The following SAMSN1 variants were observed in gnomAD, a reference collection of about 807,000 sequenced individuals.
SAMSN1 encodes SAM domain-containing protein SAMSN-1.
In SAMSN1, 31 loss-of-function variants were observed where a neutral mutation model predicts 42.0. The observed-to-expected ratio is 0.74, with a 90% CI of 0.55 to 1.00. The LOEUF is 1.00. SAMSN1 is among the 50% of genes least tolerant of loss of function. The pLI, the probability that SAMSN1 is intolerant of heterozygous loss-of-function variation, is 0.00. For missense variants in SAMSN1, 464 were observed against 439.4 expected (o/e 1.06, Z -0.50); for synonymous variants, 178 against 151.9 (o/e 1.17, Z -1.26).
chr21:14,520,499 G>A (rs192460429), intron 2 of SAMSN1, among the ~76,000 whole-genome samples: 6 of 152,144 alleles, frequency 3.9e-5, no homozygotes, highest in Non-Finnish European at 5.9e-5. Context: ...CTATCTTTTC[G>A]GGTTCATGTT....
At chr21:14,544,112 C>T (rs961598225) in intron 1 of SAMSN1, among the ~76,000 whole-genome samples, 13 of 152,150 alleles carry the variant, frequency 8.5e-5, no homozygotes, top group Admixed American at 1.3e-4. Context: ...TGCAGTGGCA[C>T]GAACACGGCC....
Position 14,577,238 on chromosome 21 carries a change from GTATATATATATATATATATATATATATA to G in SAMSN1, c.261+4870_261+4897del, listed in dbSNP as rs767931839. On this transcript the variant is annotated intron_variant, in intron 2 of 8. Coordinates refer to the SAMSN1 transcript ENST00000285670. Reference sequence around the variant, plus strand: ...GGTGGGCTAATTTATATATATGTGTGTATATATATATATATATATATATATATATATATATATATATATATATTTTTTT... The same window carrying G: ...GGTGGGCTAATTTATATATATGTGTGTATATATATATATATATATTTTTTT... 6.0e-4 allele frequency among the ~76,000 whole-genome samples: 17 copies of G among 28,190 alleles called. 2 individuals carry two copies. Among genetic ancestry groups the G allele is most frequent in the Non-Finnish European group, 7.5e-4 (13 of 17,274 alleles). The allele number at this position is 28,190 out of a possible 152,430, so 18.5% of individuals were successfully genotyped here.
intron 2 of SAMSN1, among the ~76,000 whole-genome samples, chr21:14,518,084 TCAC>T (rs1987994880): frequency 6.6e-6 from 1 of 152,254 alleles, no homozygotes; most frequent in African/African-American, 2.4e-5. Context: ...TATCAGGTTC[TCAC>T]CAAGTTTGTA....
intron 5 of SAMSN1, among the ~76,000 whole-genome samples, chr21:14,604,671 A>T (rs1023410895): frequency 3.9e-5 from 6 of 152,240 alleles, no homozygotes; most frequent in African/African-American, 1.2e-4. Context: ...TGAATGTTGC[A>T]CACACTTGAA....
chr21:14,634,457 C>T (rs188290605), intron 2 of SAMSN1, among the ~76,000 whole-genome samples: 12 of 151,826 alleles, frequency 7.9e-5, no homozygotes, highest in East Asian at 1.9e-4. Flanking sequence ...GGAACTTAAA[C>T]AAATTTCCAA....
At chr21:14,623,338 A>G (rs1410318983) in intron 2 of SAMSN1, among the ~76,000 whole-genome samples, 2 of 152,240 alleles carry the variant, frequency 1.3e-5, no homozygotes, top group African/African-American at 4.8e-5. Context: ...TTGGATAAAG[A>G]GTCAAGACCC....
intron 1 of SAMSN1, among the ~76,000 whole-genome samples, chr21:14,653,657 A>T (rs562605423): frequency 6.6e-6 from 1 of 152,178 alleles, no homozygotes; most frequent in South Asian, 2.1e-4. Context: ...GTGTAAGTGG[A>T]ATGTTTTTAA....
rs148994669 is a variant in SAMSN1 at position 14,488,567 on chromosome 21, A to G, written c.920-2453T>C. Among the ~76,000 whole-genome samples the G allele has an allele frequency of 2.6e-3, 393 of 152,318 alleles. 4 individuals are homozygous for G. The highest frequency in any genetic ancestry group is 3.9e-3 in the Non-Finnish European group (262 of 68,014). On this transcript the variant is annotated intron_variant, in intron 7 of 7. Transcript: ENST00000400566. ...AGTAAATAAATTAAAAACTGTCTTTACTAGAGAATATGTCATTGTGTAATA... is the reference window on the plus strand; with the variant it reads ...AGTAAATAAATTAAAAACTGTCTTTGCTAGAGAATATGTCATTGTGTAATA...
chr21:14,504,905 C>G (rs765824617), intron 5 of SAMSN1, among the ~76,000 whole-genome samples: 6 of 152,234 alleles, frequency 3.9e-5, no homozygotes, highest in Non-Finnish European at 5.9e-5. Context: ...GATTTCTCAG[C>G]AGAAACCCAA....
At chr21:14,617,678 G>A (rs987032790) in intron 2 of SAMSN1, among the ~76,000 whole-genome samples, 3 of 152,130 alleles carry the variant, frequency 2.0e-5, no homozygotes, top group Non-Finnish European at 4.4e-5. Context: ...TACCTTTTGT[G>A]AAAATAGACA....
chr21:14,581,043 G>A (rs1451698420), intron 2 of SAMSN1, among the ~76,000 whole-genome samples: 2 of 151,958 alleles, frequency 1.3e-5, no homozygotes, highest in African/African-American at 4.8e-5. Context: ...AGAAAGTTAA[G>A]ATTAAAAGGT....
At chr21:14,541,755 T>G (rs1209944617) in intron 1 of SAMSN1, among the ~76,000 whole-genome samples, 1 of 152,158 alleles carries the variant, frequency 6.6e-6, no homozygotes, top group Non-Finnish European at 1.5e-5. Flanking sequence ...ACTTCAATAT[T>G]AGGTCATTTT....
intron 5 of SAMSN1, among the ~76,000 whole-genome samples, chr21:14,509,946 T>C (rs967338380): frequency 1.3e-5 from 2 of 152,132 alleles, no homozygotes; most frequent in East Asian, 1.9e-4. Context: ...GAGACCATCC[T>C]GGCTAACACG....
chr21:14,641,194 C>CA (rs1263425985), intron 2 of SAMSN1, among the ~76,000 whole-genome samples: 1 of 152,102 alleles, frequency 6.6e-6, no homozygotes, highest in Non-Finnish European at 1.5e-5. Flanking sequence ...GCATATCTAG[C>CA]AACACCAACA....
chr21:14,636,912 T>C (rs1381871602), intron 2 of SAMSN1, among the ~76,000 whole-genome samples: 1 of 152,170 alleles, frequency 6.6e-6, no homozygotes, highest in Non-Finnish European at 1.5e-5. Flanking sequence ...TCAAGTATTG[T>C]TATACTTTAA....
chr21:14,501,418 C>A (rs1448994807), intron 5 of SAMSN1, among the ~76,000 whole-genome samples: 1 of 152,182 alleles, frequency 6.6e-6, no homozygotes, highest in African/African-American at 2.4e-5. Context: ...TAAACGACTT[C>A]TCAAAAGCTT....
chr21:14,618,767 G>C (rs1443024789), intron 2 of SAMSN1, among the ~76,000 whole-genome samples: 2 of 151,972 alleles, frequency 1.3e-5, no homozygotes, highest in Admixed American at 6.6e-5. Flanking sequence ...ACTTTGGAGA[G>C]TTATTTCAGT....
chr21:14,646,214 A>G (rs1983710098), intron 1 of SAMSN1, among the ~76,000 whole-genome samples: 1 of 152,170 alleles, frequency 6.6e-6, no homozygotes, highest in African/African-American at 2.4e-5. Flanking sequence ...ACCTCAAGGT[A>G]TTTAATAATC....
chr21:14,613,158 T>C (rs570640216), intron 3 of SAMSN1, among the ~76,000 whole-genome samples: 1 of 152,100 alleles, frequency 6.6e-6, no homozygotes, highest in Non-Finnish European at 1.5e-5. Context: ...CTGAAAAAAA[T>C]AGTAAGTCTT....
Sources: gnomAD v4.1 joint callset for allele counts (sites outside exome capture counted in the v4.1 genomes callset) on GRCh38, gnomAD v4.1.1 for gene constraint, MANE v1.5 for transcripts, NCBI Gene and HGNC (gene_info 2026-07-23, HGNC 2026-07-21) for gene names.